Variants in USP14 observed in about 807,000 individuals in gnomAD.
The protein encoded by USP14 is ubiquitin specific peptidase 14.
In USP14, 38 loss-of-function variants were observed where a neutral mutation model predicts 76.5. The ratio of observed to expected loss-of-function variants is 0.50; its 90% confidence interval spans 0.38 to 0.65. The LOEUF (loss-of-function observed/expected upper bound fraction) is 0.65. Among genes scored for constraint, USP14 ranks in the 30% least tolerant of loss-of-function variants. The probability of loss-of-function intolerance (pLI) is 0.00; values close to 1 mark genes in which losing one functional copy is unlikely to be tolerated. For missense variants in USP14, 467 were observed against 586.5 expected, an observed-to-expected ratio of 0.80 and a Z score of 2.10; for synonymous variants, 192 against 191.7, an observed-to-expected ratio of 1.00 and a Z score of -0.01.
intron 5 of USP14, among the ~76,000 whole-genome samples, chr18:188,156 T>C (rs937596280): frequency 8.5e-5 from 13 of 152,100 alleles, no homozygotes; most frequent in African/African-American, 2.4e-4. Flanking sequence ...AAATGTTCTT[T>C]TTTTCTTTTT....
rs144958426 is a variant in USP14 at position 173,712 on chromosome 18, C to T, written c.196-5221C>T. Among the ~76,000 whole-genome samples, 372 of 152,264 alleles carry T rather than the reference C, an allele frequency of 2.4e-3. 1 individual carries two copies. The highest frequency in any genetic ancestry group is 8.2e-3 in the African/African-American group (339 of 41,552). ...TGCTGGGATTACAGGTGTGAGCCAC[C>T]GCACCCGGTCTATTATCTGTTTTGA... On this transcript the variant is annotated intron_variant, in intron 3 of 15. Transcript: ENST00000261601.
At chr18:169,284 T>C (rs1184721223) in intron 3 of USP14, among the ~76,000 whole-genome samples, 1 of 148,028 alleles carries the variant, frequency 6.8e-6, no homozygotes, top group Non-Finnish European at 1.5e-5. Flanking sequence ...TTGCTTGACT[T>C]TGGGAGGCGG....
rs1910700728 is a variant in USP14, at chr18:212,619, A to C, written c.*1335A>C. ...TCTGTCTCAAAAAAAAAAAGAAAAA[A>C]TTCCCAAATCTTAATGTCTGTTTCA... On this transcript the variant is annotated 3_prime_UTR_variant, in exon 16 of 16. Coordinates refer to ENST00000261601, the MANE Select transcript of USP14 (RefSeq NM_005151.4). 6.6e-6 allele frequency: 1 copy of C among 152,134 alleles called. No homozygotes were observed. The highest frequency in any genetic ancestry group is 2.4e-5 in the African/African-American group (1 of 41,432). The allele number at this position is 152,134 out of a possible 1,614,324, so 9.4% of individuals were successfully genotyped here.
intron 3 of USP14, among the ~76,000 whole-genome samples, chr18:171,433 T>A (rs375166011): frequency 9.8e-5 from 15 of 152,304 alleles, no homozygotes; most frequent in African/African-American, 3.6e-4. Context: ...CTACTCTGCC[T>A]GTGCTCTGTA....
intron 3 of USP14, 52 bp downstream of exon 3, chr18:166,871 A>G (rs975576569): frequency 6.5e-7 from 1 of 1,529,062 alleles, no homozygotes; most frequent in Non-Finnish European, 9.0e-7. Flanking sequence ...TCATTATGAT[A>G]CCAAAATACA....
chr18:170,743 A>G (rs944229719), intron 3 of USP14, among the ~76,000 whole-genome samples: 5 of 152,100 alleles, frequency 3.3e-5, no homozygotes, highest in African/African-American at 9.7e-5. Context: ...TGTCCTCATC[A>G]GACTAACACA....
chr18:179,654 C>G (rs1239372929), intron 4 of USP14, among the ~76,000 whole-genome samples: 1 of 142,100 alleles, frequency 7.0e-6, no homozygotes, highest in Non-Finnish European at 1.5e-5. Context: ...GTGGTATGAT[C>G]ATAGCTCACT....
chr18:159,741 C>G (rs978825696), intron 1 of USP14, among the ~76,000 whole-genome samples: 1 of 152,102 alleles, frequency 6.6e-6, no homozygotes, highest in Admixed American at 6.6e-5. Flanking sequence ...TTAAACACAC[C>G]AGTAGATTCA....
At chr18:173,018 C>T (rs181411714) in intron 3 of USP14, among the ~76,000 whole-genome samples, 11 of 151,388 alleles carry the variant, frequency 7.3e-5, no homozygotes, top group African/African-American at 2.2e-4. Flanking sequence ...AAGAAATCTT[C>T]GCCTGTGCCA....
intron 6 of USP14, among the ~76,000 whole-genome samples, chr18:193,155 TA>T (rs760072237): frequency 6.6e-6 from 1 of 152,214 alleles, no homozygotes; most frequent in Non-Finnish European, 1.5e-5. Context: ...GTTTGATTTG[TA>T]TAATACATAT....
chr18:174,319 G>C (rs1909564312), intron 3 of USP14, among the ~76,000 whole-genome samples: 1 of 147,516 alleles, frequency 6.8e-6, no homozygotes, highest in Admixed American at 6.8e-5. Context: ...AGGCTGGAGT[G>C]CAGTGGCGTG....
At position 176,696 on chromosome 18, in the gene USP14, A is replaced by C. The variant is rs184199838; in HGVS notation, c.196-2237A>C. ...TACATCAATTGTTAATATTTATGTCAGTTTTAGAAAATCTTCCAACAATGC... is the reference window on the plus strand; with the variant it reads ...TACATCAATTGTTAATATTTATGTCCGTTTTAGAAAATCTTCCAACAATGC... On this transcript the variant is annotated intron_variant, in intron 3 of 15. Transcript: ENST00000261601. Among the ~76,000 whole-genome samples the C allele has an allele frequency of 1.1e-3, 163 of 152,228 alleles. 1 individual carries two copies. The highest frequency in any genetic ancestry group is 3.9e-3 in the African/African-American group (161 of 41,550).
chr18:174,454 CG>C (rs781032059), intron 3 of USP14, among the ~76,000 whole-genome samples: 5 of 151,474 alleles, frequency 3.3e-5, no homozygotes, highest in Non-Finnish European at 5.9e-5. Context: ...TTAGTAGAGA[CG>C]GGGTGTCACC....
At chr18:205,839 C>T (rs147855606) in intron 13 of USP14, among the ~76,000 whole-genome samples, 1 of 152,274 alleles carries the variant, frequency 6.6e-6, no homozygotes, top group East Asian at 1.9e-4. Flanking sequence ...TAACCTTTCT[C>T]ACTCAGCATA....
chr18:179,534 C>CATTTAGTTAAATTTATTTATTT (rs1909722370), intron 4 of USP14, among the ~76,000 whole-genome samples: 1 of 149,432 alleles, frequency 6.7e-6, no homozygotes, highest in African/African-American at 2.5e-5. Context: ...TTTTTTTTAA[C>CATTTAGTTAAATTTATTTATTT]ACCTAGCATT....
At chr18:158,738 C>T in intron 1 of USP14, 24 bp downstream of exon 1, 1 of 1,487,532 alleles carries the variant, frequency 6.7e-7, no homozygotes, top group Non-Finnish European at 8.9e-7. Context: ...TGGCCTCGCG[C>T]GCAGCACACC....
chr18:179,649 A>G (rs1265904614), intron 4 of USP14, among the ~76,000 whole-genome samples: 1 of 132,918 alleles, frequency 7.5e-6, no homozygotes, highest in Admixed American at 9.0e-5. Flanking sequence ...GTGCAGTGGT[A>G]TGATCATAGC....
At chr18:181,560 T>C (rs1030412564) in intron 5 of USP14, among the ~76,000 whole-genome samples, 1 of 152,216 alleles carries the variant, frequency 6.6e-6, no homozygotes, top group African/African-American at 2.4e-5. Context: ...TTTTTACATA[T>C]ATACAAGTTC....
chr18:169,916 T>G (rs573526019), intron 3 of USP14, among the ~76,000 whole-genome samples: 1 of 152,174 alleles, frequency 6.6e-6, no homozygotes, highest in East Asian at 1.9e-4. Context: ...CAAATGTGTC[T>G]TCTGACAGCC....
Sources: allele counts gnomAD v4.1 joint callset (sites outside exome capture counted in the v4.1 genomes callset), GRCh38; gene constraint gnomAD v4.1.1; transcripts MANE v1.5; gene names NCBI Gene and HGNC (gene_info 2026-07-23, HGNC 2026-07-21).